ZER1: variants seen among roughly 807,000 people sequenced by gnomAD.
The protein encoded by ZER1 is protein zer-1 homolog.
In ZER1, 11 loss-of-function variants were observed where a neutral mutation model predicts 78.8. The ratio of observed to expected loss-of-function variants is 0.14; its 90% CI spans 0.09 to 0.23. The LOEUF (loss-of-function observed/expected upper bound fraction) is 0.23, where lower values mean the gene tolerates loss of function less well. Among genes scored for constraint, ZER1 ranks in the 10% least tolerant of loss-of-function variants. The probability of loss-of-function intolerance (pLI) is 1.00; values close to 1 mark genes in which losing one functional copy is unlikely to be tolerated. For synonymous variants in ZER1, 400 were observed against 407.0 expected (o/e 0.98, Z 0.21); for missense variants, 588 against 996.9 (o/e 0.59, Z 5.52).
chr9:128,752,456 G>A (rs1863711214), intron 5 of ZER1, among the ~76,000 whole-genome samples: 1 of 152,160 alleles, frequency 6.6e-6, no homozygotes, highest in African/African-American at 2.4e-5. Context: ...AAGTAGCTGG[G>A]ACTACAGGTG....
At chr9:128,763,882 G>A (rs990544112) in intron 1 of ZER1, among the ~76,000 whole-genome samples, 1 of 152,278 alleles carries the variant, frequency 6.6e-6, no homozygotes, top group East Asian at 1.9e-4. Flanking sequence ...AGCTACTCGG[G>A]AGGCTGAGGC....
chr9:128,756,208 G>A (rs758022154), intron 1 of ZER1, among the ~76,000 whole-genome samples: 9 of 152,346 alleles, frequency 5.9e-5, no homozygotes, highest in South Asian at 4.1e-4. Flanking sequence ...AGAACTTTGA[G>A]AGGCCGAGGT....
Position 128,740,916 on chromosome 9 carries a change from T to A in ZER1, c.1738-29A>T. 2.6e-6 allele frequency: 2 copies of A among 779,714 alleles called. No homozygotes were observed. The highest frequency in any genetic ancestry group is 4.8e-6 in the Non-Finnish European group (2 of 417,514). The allele number at this position is 779,714 out of a possible 1,614,324, so 48.3% of individuals were successfully genotyped here. A position where few individuals can be genotyped will look rare whatever the true frequency, so the allele number is the denominator to read the frequency against. ...GGAAAAGGAGAGCCAATGGGCCGCA[T>A]CAATTAGTACTTAATGACTTAGTAT... On this transcript the variant is annotated intron_variant, in intron 11 of 15. Coordinates refer to ENST00000291900, the MANE Select transcript of ZER1 (RefSeq NM_006336.4). The surrounding 1 kb of genome is among the most constrained non-coding windows in gnomAD (Gnocchi z 4.4).
intron 1 of ZER1, among the ~76,000 whole-genome samples, chr9:128,761,916 T>C (rs1241747665): frequency 1.3e-5 from 2 of 150,670 alleles, no homozygotes; most frequent in East Asian, 4.0e-4. Context: ...CCCCATCTTA[T>C]AGAGGAGGAA....
At position 128,740,641 on chromosome 9, in the gene ZER1, A is replaced by G. The variant is rs1254225282; in HGVS notation, c.1853+131T>C. ...CTTACGAAGGATTGAATGAATAAGA[A>G]ACCACATTATCGAGGGAAAATGACA... On this transcript the variant is annotated intron_variant, in intron 12 of 15. Transcript: ENST00000291900. This position sits in a 1 kb window ranked among gnomAD's most constrained non-coding sequence, Gnocchi z 4.4. 6.7e-6 allele frequency: 4 copies of G among 601,418 alleles called. No individual in the cohort carries two copies. Among genetic ancestry groups the G allele is most frequent in the Non-Finnish European group, 1.2e-5 (4 of 332,810 alleles). The allele number at this position is 601,418 out of a possible 1,614,324, so 37.3% of individuals were successfully genotyped here.
rs1012264926 is a variant in ZER1 at position 128,754,038 on chromosome 9, C to T, written c.159-79G>A. ...GCTTCAAAGCCAAGCCCTCCTCCCC[C>T]TGAAGCTTTCTTGGATCACCCCAAG... On this transcript the variant is annotated intron_variant, in intron 2 of 15. Coordinates refer to ENST00000291900, the MANE Select transcript of ZER1 (RefSeq NM_006336.4). This position sits in a 1 kb window ranked among gnomAD's most constrained non-coding sequence, Gnocchi z 4.3. The T allele has an allele frequency of 4.0e-6, 6 of 1,507,006 alleles. No homozygotes were observed. Among genetic ancestry groups the T allele is most frequent in the African/African-American group, 1.4e-5 (1 of 71,682 alleles). 93.4% of individuals were successfully genotyped at this position (1,507,006 alleles called of 1,614,324 possible). A position where few individuals can be genotyped will look rare whatever the true frequency, so the allele number is the denominator to read the frequency against.
Position 128,755,744 on chromosome 9 carries a change from A to C in ZER1, c.-94-85T>G. 1.3e-6 allele frequency: 1 copy of C among 757,240 alleles called. No homozygotes were observed. The allele number at this position is 757,240 out of a possible 1,614,324, so 46.9% of individuals were successfully genotyped here. ...CCATGTCCACGCTCTGAGTAGGGAA[A>C]CTGAGACCACACTCCAATTAGCAGC... is the stretch of plus-strand genomic sequence containing the variant. On this transcript the variant is annotated intron_variant, in intron 1 of 15. Coordinates refer to ENST00000291900, the MANE Select transcript of ZER1 (RefSeq NM_006336.4). This position sits in a 1 kb window ranked among gnomAD's most constrained non-coding sequence, Gnocchi z 5.6.
chr9:128,739,418 C>T (rs975783867), intron 13 of ZER1, among the ~76,000 whole-genome samples: 5 of 150,992 alleles, frequency 3.3e-5, no homozygotes, highest in African/African-American at 1.2e-4. Context: ...AGGAAAATGG[C>T]GTGAACCCAG....
At chr9:128,741,449 C>T (rs541578922) in intron 11 of ZER1, 86 bp downstream of exon 11, 21 of 1,589,130 alleles carry the variant, frequency 1.3e-5, no homozygotes, top group South Asian at 7.8e-5. Context: ...AGGGGTGCTG[C>T]GGATTTGGTT....
At chr9:128,757,133 T>C (rs373440388) in intron 1 of ZER1, among the ~76,000 whole-genome samples, 2 of 152,164 alleles carry the variant, frequency 1.3e-5, no homozygotes, top group South Asian at 4.1e-4. Context: ...CACAGGAGTA[T>C]ATCTTTATGA....
In ZER1 at chr9:128,753,886, G is replaced by C. The variant is rs766652996; in HGVS notation, c.232C>G (p.Arg78Gly). 2.5e-6 allele frequency: 4 copies of C among 1,600,702 alleles called. No homozygotes were observed. The Admixed American group carries it at 5.2e-5, about 21-fold the overall frequency. ...TGGATCCGCGTGAGGCGGGTGCTGC[G>C]GGGGTCCGAAAAGAGGCTGAAGAAG... Reference protein sequence around the residue: ...ESFFSLFSDPRSTRLTRIHLR... With the variant: ...ESFFSLFSDPGSTRLTRIHLR... Residue 78 changes from arginine to glycine, a missense_variant, in exon 3 of 16, where the codon CGC (arginine) becomes GGC (glycine). Coordinates refer to ENST00000291900, the MANE Select transcript of ZER1 (RefSeq NM_006336.4). This position sits in a 1 kb window ranked among gnomAD's most constrained non-coding sequence, Gnocchi z 7.5.
chr9:128,743,272 T>C lies in ZER1; in HGVS notation c.1360-527A>G, dbSNP rs1236172996. The stretch of plus-strand genomic sequence containing the variant: ...AGCTGGGATTACAGGCGTGCCACCA[T>C]GCCCGGCTAATTTTTGTATTTTTAG... On this transcript the variant is annotated intron_variant, in intron 8 of 15. Coordinates refer to ENST00000291900, the MANE Select transcript of ZER1 (RefSeq NM_006336.4). Among the ~76,000 whole-genome samples the C allele has an allele frequency of 2.0e-4, 31 of 151,678 alleles. 1 individual carries two copies. The highest frequency in any genetic ancestry group is 2.0e-3 in the Admixed American group (31 of 15,210).
intron 1 of ZER1, among the ~76,000 whole-genome samples, chr9:128,758,224 A>G (rs1863925679): frequency 6.8e-6 from 1 of 148,092 alleles, no homozygotes; most frequent in Non-Finnish European, 1.5e-5. Context: ...GGTTCAAGTG[A>G]TTCTCCTGCC....
In ZER1 at chr9:128,730,358, T is replaced by G. The variant is rs4836622; in HGVS notation, c.*979A>C. On this transcript the variant is annotated 3_prime_UTR_variant, in exon 16 of 16. Transcript: ENST00000291900. ...TGTGGCCGTTGTGGGTCAAAGGCTGTCATGGGACCTCTGCCTCTGAGAGGC... is the reference window on the plus strand; with the variant it reads ...TGTGGCCGTTGTGGGTCAAAGGCTGGCATGGGACCTCTGCCTCTGAGAGGC... The G allele has an allele frequency of 1, 153,064 of 153,650 alleles. 76,244 individuals carry two copies. The highest frequency in any genetic ancestry group is 1 in the Middle Eastern group (300 of 300). 9.5% of individuals were successfully genotyped at this position (153,650 alleles called of 1,614,324 possible).
At position 128,751,951 on chromosome 9, in the gene ZER1, G is replaced by A. The variant is rs963479635; in HGVS notation, c.924-424C>T. 6.6e-6 allele frequency among the ~76,000 whole-genome samples: 1 copy of A among 152,206 alleles called. No individual in the cohort carries two copies. The highest frequency in any genetic ancestry group is 1.5e-5 in the Non-Finnish European group (1 of 68,036). On this transcript the variant is annotated intron_variant, in intron 5 of 15. Coordinates refer to ENST00000291900, the MANE Select transcript of ZER1 (RefSeq NM_006336.4). This position sits in a 1 kb window ranked among gnomAD's most constrained non-coding sequence, Gnocchi z 5.4. ...GACCTATGTCCAGCAATACTCCATA[G>A]GTGGCAGACACTGCCAGCCTTGCCT...
At chr9:128,772,203 A>G (rs561215512), upstream of ZER1, 5 of 152,472 alleles carry the variant, frequency 3.3e-5, no homozygotes, top group African/African-American at 1.2e-4. Context: ...GGTTCACCTG[A>G]GCCCAACACT....
Position 128,734,170 on chromosome 9 carries a change from TAA to T in ZER1, c.2141-644_2141-643del, listed in dbSNP as rs201959972. 7.4e-3 allele frequency among the ~76,000 whole-genome samples: 482 copies of T among 65,384 alleles called. 34 individuals carry two copies. The highest frequency in any genetic ancestry group is 0.019 in the African/African-American group (455 of 23,680). The allele number at this position is 65,384 out of a possible 152,430, so 42.9% of individuals were successfully genotyped here. The stretch of plus-strand genomic sequence containing the variant: ...ATATATATATATATATATAAAATCT[TAA>T]AAAAAATATATATATATATATAATA... On this transcript the variant is annotated intron_variant, in intron 14 of 15. Coordinates refer to ENST00000291900, the MANE Select transcript of ZER1 (RefSeq NM_006336.4).
At chr9:128,750,137 C>T (rs1309173809) in intron 8 of ZER1, among the ~76,000 whole-genome samples, 1 of 152,210 alleles carries the variant, frequency 6.6e-6, no homozygotes, top group Non-Finnish European at 1.5e-5. Flanking sequence ...AAACAGTATG[C>T]AGTTTGTGTA....
At chr9:128,750,937 T>G in intron 7 of ZER1, 148 bp from the exon 8 acceptor site, 2 of 1,410,538 alleles carry the variant, frequency 1.4e-6, no homozygotes, top group South Asian at 2.7e-5. Flanking sequence ...GACACCAGGG[T>G]GGGGACCAAA....
Sources: allele counts gnomAD v4.1 joint callset (sites outside exome capture counted in the v4.1 genomes callset), GRCh38; gene constraint gnomAD v4.1.1; non-coding constraint Gnocchi (gnomAD v3.1); transcripts MANE v1.5; gene names NCBI Gene and HGNC (gene_info 2026-07-23, HGNC 2026-07-21).